WDFY2: variants seen among roughly 807,000 people sequenced by gnomAD.
The protein encoded by WDFY2 is WD repeat and FYVE domain containing 2.
Under a neutral mutation model 56.4 loss-of-function variants are expected in WDFY2, and 36 were observed. The observed-to-expected ratio is 0.64, with a 90% confidence interval of 0.49 to 0.84. WDFY2 has a LOEUF of 0.84. Among genes scored for constraint, WDFY2 ranks in the 40% least tolerant of loss-of-function variants. The probability of loss-of-function intolerance (pLI) is 0.00; values close to 1 mark genes in which losing one functional copy is unlikely to be tolerated. For missense variants in WDFY2, 444 were observed against 512.2 expected (o/e 0.87, Z 1.29); for synonymous variants, 176 against 183.7 (o/e 0.96, Z 0.34).
intron 2 of WDFY2, among the ~76,000 whole-genome samples, chr13:51,665,886 A>AT (rs1593959033): frequency 6.6e-6 from 1 of 152,000 alleles, no homozygotes; most frequent in African/African-American, 2.4e-5. Context: ...CATTTTTTTC[A>AT]TTTTTTCAAA....
chr13:51,714,554 A>G (rs577309967), intron 4 of WDFY2, among the ~76,000 whole-genome samples: 2 of 152,206 alleles, frequency 1.3e-5, no homozygotes, highest in African/African-American at 4.8e-5. Flanking sequence ...CGGCCTCCCA[A>G]ATTGCTGGGA....
chr13:51,734,390 C>A (rs1010598282), intron 6 of WDFY2, among the ~76,000 whole-genome samples: 1 of 152,106 alleles, frequency 6.6e-6, no homozygotes, highest in Non-Finnish European at 1.5e-5. Flanking sequence ...AAAATTCATA[C>A]TTAAAAGTTG....
chr13:51,584,545 C>A lies in WDFY2; in HGVS notation c.-143C>A. 8.4e-7 allele frequency: 1 copy of A among 1,188,432 alleles called. No individual in the cohort carries two copies. Among genetic ancestry groups the A allele is most frequent in the East Asian group, 2.7e-5 (1 of 37,500 alleles). The allele number at this position is 1,188,432 out of a possible 1,614,324, so 73.6% of individuals were successfully genotyped here. ...GCGGAGTCGTTCCCGAGAGAGGCGG[C>A]CAGGCTATGCTCGCCGGTTTCCGGC... On this transcript the variant is annotated 5_prime_UTR_variant, in exon 1 of 12. Transcript: ENST00000298125.
At chr13:51,654,389 C>T (rs929080105) in intron 1 of WDFY2, among the ~76,000 whole-genome samples, 16 of 152,144 alleles carry the variant, frequency 1.1e-4, no homozygotes, top group African/African-American at 3.1e-4. Flanking sequence ...AGCTCACACT[C>T]GGTGTGCTGC....
In WDFY2 at chr13:51,762,414, C is replaced by CAT. The variant is rs1289822213; in HGVS notation, c.*2646_*2647dup. The CAT allele has an allele frequency of 6.6e-6, 1 of 152,222 alleles. No homozygotes were observed. The highest frequency in any genetic ancestry group is 1.5e-5 in the Non-Finnish European group (1 of 68,040). 9.4% of individuals were successfully genotyped at this position (152,222 alleles called of 1,614,324 possible). On this transcript the variant is annotated 3_prime_UTR_variant, in exon 12 of 12. Coordinates refer to ENST00000298125, the MANE Select transcript of WDFY2 (RefSeq NM_052950.4). ...TTCACAGCCCACTGGTGTTGAGAAT[C>CAT]ATCATCAGAAAACCAGATATGTCAA...
chr13:51,666,422 T>C lies in WDFY2; in HGVS notation c.205+5759T>C, dbSNP rs1265822612. Among the ~76,000 whole-genome samples the C allele has an allele frequency of 2.0e-5, 3 of 152,306 alleles. No individual in the cohort carries two copies. In the East Asian group the frequency reaches 5.8e-4, roughly 29 times the overall value. The stretch of plus-strand genomic sequence containing the variant: ...CTCTTTGCTCTCTCAAAGGCAGAAC[T>C]TCCCAGCCTATGTGACACAGCCTAC... On this transcript the variant is annotated intron_variant, in intron 2 of 11. Transcript: ENST00000298125.
chr13:51,647,763 CT>C (rs1402793118), intron 1 of WDFY2, among the ~76,000 whole-genome samples: 1 of 121,524 alleles, frequency 8.2e-6, no homozygotes, highest in Non-Finnish European at 1.7e-5. Flanking sequence ...ATGTCTCTCT[CT>C]TAAAAAAAAA....
At chr13:51,613,667 T>G (rs925005004) in intron 1 of WDFY2, among the ~76,000 whole-genome samples, 2 of 152,166 alleles carry the variant, frequency 1.3e-5, no homozygotes, top group Non-Finnish European at 2.9e-5. Flanking sequence ...TGTTAAGAAT[T>G]CCTTCTTAGC....
At chr13:51,588,837 T>G (rs1312089116) in intron 1 of WDFY2, 1 of 152,232 alleles carries the variant, frequency 6.6e-6, no homozygotes, top group Non-Finnish European at 1.5e-5. Flanking sequence ...CAAAAATTAC[T>G]GAACCCTTTG....
At chr13:51,609,332 G>C (rs1437227127) in intron 1 of WDFY2, among the ~76,000 whole-genome samples, 1 of 152,078 alleles carries the variant, frequency 6.6e-6, no homozygotes, top group Non-Finnish European at 1.5e-5. Context: ...AACAAACTTG[G>C]TCATGTGTCT....
In WDFY2 at chr13:51,751,367, C is replaced by T. The variant is rs1343863779; in HGVS notation, c.783C>T (p.Gly261=). The T allele has an allele frequency of 9.9e-6, 16 of 1,613,862 alleles. No individual in the cohort carries two copies. The highest frequency in any genetic ancestry group is 1.6e-4 in the Middle Eastern group (1 of 6,084). Residue 261 remains glycine (G), a synonymous_variant, in exon 8 of 12, where the codon GGC becomes GGT. Coordinates refer to ENST00000298125, the MANE Select transcript of WDFY2 (RefSeq NM_052950.4). ...AQHTRQLISC[G]GDGGIVVWNM... ...ACACGCGACAATTGATCTCCTGTGG[C>T]GGTGATGGTGGGATTGTCGTCTGGA...
chr13:51,719,608 A>C (rs1952443540), intron 5 of WDFY2, among the ~76,000 whole-genome samples: 1 of 152,242 alleles, frequency 6.6e-6, no homozygotes, highest in South Asian at 2.1e-4. Flanking sequence ...ACATCTAGAC[A>C]GAACACAGTG....
At chr13:51,729,521 C>T (rs1330885730) in intron 6 of WDFY2, among the ~76,000 whole-genome samples, 1 of 150,308 alleles carries the variant, frequency 6.7e-6, no homozygotes, top group East Asian at 1.9e-4. Flanking sequence ...GGAGAGCTGC[C>T]TTCCTCCAGC....
At chr13:51,746,683 T>G (rs1953112617) in intron 7 of WDFY2, among the ~76,000 whole-genome samples, 1 of 152,232 alleles carries the variant, frequency 6.6e-6, no homozygotes, top group South Asian at 2.1e-4. Context: ...GGGTATCATT[T>G]CTTAAATGTT....
chr13:51,652,912 T>C (rs1955424114), intron 1 of WDFY2, among the ~76,000 whole-genome samples: 1 of 152,228 alleles, frequency 6.6e-6, no homozygotes, highest in African/African-American at 2.4e-5. Context: ...GGAGTATCTT[T>C]GTGGTGTTCT....
intron 1 of WDFY2, chr13:51,589,163 G>T (rs1953999015): frequency 6.6e-6 from 1 of 152,160 alleles, no homozygotes; most frequent in African/African-American, 2.4e-5. Flanking sequence ...TTCCTTGAAT[G>T]AATTAAGCAA....
chr13:51,754,806 A>G (rs534198527), intron 8 of WDFY2, among the ~76,000 whole-genome samples: 10 of 152,344 alleles, frequency 6.6e-5, no homozygotes, highest in African/African-American at 2.4e-4. Context: ...CTATGATACT[A>G]TTTAATAACC....
intron 6 of WDFY2, among the ~76,000 whole-genome samples, chr13:51,729,081 C>T (rs1443032015): frequency 1.3e-5 from 2 of 152,192 alleles, no homozygotes; most frequent in Non-Finnish European, 2.9e-5. Flanking sequence ...GCTTCACCCA[C>T]GGCTTCTCAG....
intron 2 of WDFY2, among the ~76,000 whole-genome samples, chr13:51,672,473 G>A (rs925294905): frequency 7.4e-4 from 112 of 152,194 alleles, no homozygotes; most frequent in African/African-American, 2.5e-3. Context: ...TTGAAGTCGG[G>A]TAATGTGATT....
Sources: gnomAD v4.1 joint callset for allele counts (sites outside exome capture counted in the v4.1 genomes callset) on GRCh38, gnomAD v4.1.1 for gene constraint, MANE v1.5 for transcripts, NCBI Gene and HGNC (gene_info 2026-07-23, HGNC 2026-07-21) for gene names.